DLGAP1: variants seen among roughly 807,000 people sequenced by gnomAD.
DLGAP1 encodes DLG associated protein 1.
Under a neutral mutation model 90.8 loss-of-function variants are expected in DLGAP1, and 11 were observed. That is an observed-to-expected ratio of 0.12 (90% CI 0.08 to 0.20). The LOEUF is 0.20. Ranked by LOEUF, DLGAP1 falls within the 10% of genes least tolerant of loss-of-function variation. DLGAP1 has a pLI of 1.00. For synonymous variants in DLGAP1, 558 were observed against 540.7 expected (o/e 1.03, Z -0.44); for missense variants, 1,050 against 1,333.8 (o/e 0.79, Z 3.31).
At chr18:3,681,249 G>T (rs918986462) in intron 7 of DLGAP1, among the ~76,000 whole-genome samples, 2 of 152,116 alleles carry the variant, frequency 1.3e-5, no homozygotes, top group African/African-American at 4.8e-5. Context: ...TAGAGTCAGA[G>T]ATAATGTCTA....
At chr18:4,317,605 T>C (rs1176975440) in intron 1 of DLGAP1, among the ~76,000 whole-genome samples, 1 of 152,186 alleles carries the variant, frequency 6.6e-6, no homozygotes, top group East Asian at 1.9e-4. Flanking sequence ...TTTCACTGAA[T>C]TCAGATATTA....
At chr18:3,857,684 G>T (rs1469361711) in intron 4 of DLGAP1, among the ~76,000 whole-genome samples, 1 of 152,084 alleles carries the variant, frequency 6.6e-6, no homozygotes. Flanking sequence ...CTTTTCCTAT[G>T]ATTCCTGCTG....
At chr18:3,735,292 T>TA (rs1183581522) in intron 6 of DLGAP1, among the ~76,000 whole-genome samples, 3 of 152,212 alleles carry the variant, frequency 2.0e-5, no homozygotes, top group Non-Finnish European at 4.4e-5. Flanking sequence ...CGATCTTGGC[T>TA]CACTGCAACC....
chr18:4,447,471 G>C (rs2083696346), intron 1 of DLGAP1, among the ~76,000 whole-genome samples: 1 of 152,042 alleles, frequency 6.6e-6, no homozygotes, highest in Non-Finnish European at 1.5e-5. Flanking sequence ...AAAGAATAAG[G>C]AAATGCATGC....
At chr18:4,134,883 TAGAG>T (rs2076375423) in intron 2 of DLGAP1, among the ~76,000 whole-genome samples, 1 of 151,832 alleles carries the variant, frequency 6.6e-6, no homozygotes. Context: ...AATGCCTTCC[TAGAG>T]AGGAAAAGCA....
At chr18:3,585,084 A>G (rs1953626731) in intron 7 of DLGAP1, among the ~76,000 whole-genome samples, 1 of 152,152 alleles carries the variant, frequency 6.6e-6, no homozygotes, top group African/African-American at 2.4e-5. Flanking sequence ...ATGCAGCTCA[A>G]CAATAAGTGT....
chr18:4,448,997 A>AT (rs1567932991), intron 1 of DLGAP1, among the ~76,000 whole-genome samples: 2 of 152,120 alleles, frequency 1.3e-5, no homozygotes, highest in Non-Finnish European at 2.9e-5. Context: ...TACAAACCAC[A>AT]TAGGGGCCAC....
At chr18:4,136,237 T>C (rs867263928) in intron 2 of DLGAP1, among the ~76,000 whole-genome samples, 1 of 152,104 alleles carries the variant, frequency 6.6e-6, no homozygotes, top group Admixed American at 6.6e-5. Context: ...ATATACTGAT[T>C]TATTTTCTTT....
At chr18:3,684,616 T>A (rs1050741486) in intron 7 of DLGAP1, among the ~76,000 whole-genome samples, 1 of 152,172 alleles carries the variant, frequency 6.6e-6, no homozygotes, top group Non-Finnish European at 1.5e-5. Flanking sequence ...TCCAATGCTA[T>A]AGGAACTAAT....
At chr18:4,010,503 G>A (rs921155759) in intron 2 of DLGAP1, among the ~76,000 whole-genome samples, 7 of 152,112 alleles carry the variant, frequency 4.6e-5, no homozygotes, top group African/African-American at 1.2e-4. Flanking sequence ...AGCCATGATC[G>A]CGTCACTGCG....
intron 5 of DLGAP1, among the ~76,000 whole-genome samples, chr18:3,765,256 G>A (rs986123045): frequency 1.7e-4 from 26 of 148,766 alleles, no homozygotes; most frequent in Non-Finnish European, 3.6e-4. Flanking sequence ...TCAGCCTCCC[G>A]AGTAGCTGGA....
chr18:4,240,272 C>T (rs670268), intron 1 of DLGAP1, among the ~76,000 whole-genome samples: 120,512 of 152,062 alleles, frequency 0.79, 48,364 homozygotes, highest in African/African-American at 0.91. Flanking sequence ...CTTGATAATG[C>T]ATCTTATTAC....
At position 3,534,698 on chromosome 18, in the gene DLGAP1, T is replaced by C. The variant is rs1265441006; in HGVS notation, c.2058-83A>G. The C allele has an allele frequency of 1.1e-4, 129 of 1,210,442 alleles. No individual in the cohort carries two copies. The African/African-American group carries it at 1.3e-3, about 12-fold the overall frequency. The allele number at this position is 1,210,442 out of a possible 1,614,324, so 75.0% of individuals were successfully genotyped here. The stretch of plus-strand genomic sequence containing the variant: ...CCTTCCTTCCTTCCTTTCTTTCTTT[T>C]TTTTTTTTTTTTGACAGAGTCTCAC... On this transcript the variant is annotated intron_variant, in intron 9 of 12. Coordinates refer to ENST00000315677, the MANE Select transcript of DLGAP1 (RefSeq NM_004746.4).
intron 7 of DLGAP1, among the ~76,000 whole-genome samples, chr18:3,664,990 T>G (rs1444955246): frequency 2.6e-5 from 4 of 152,210 alleles, no homozygotes; most frequent in Non-Finnish European, 5.9e-5. Context: ...GGTCCTACTA[T>G]GCTATTGTCT....
At chr18:4,284,669 A>G (rs941675043) in intron 1 of DLGAP1, among the ~76,000 whole-genome samples, 1 of 152,182 alleles carries the variant, frequency 6.6e-6, no homozygotes, top group Non-Finnish European at 1.5e-5. Flanking sequence ...GGCTTTCACT[A>G]TGTTACAACT....
intron 1 of DLGAP1, among the ~76,000 whole-genome samples, chr18:4,333,078 T>C (rs764141472): frequency 6.6e-6 from 1 of 151,966 alleles, no homozygotes. Flanking sequence ...AGTTAACCAT[T>C]GATGTTTAAT....
intron 1 of DLGAP1, among the ~76,000 whole-genome samples, chr18:4,357,726 T>C (rs2081552198): frequency 6.6e-6 from 1 of 152,234 alleles, no homozygotes; most frequent in Non-Finnish European, 1.5e-5. Context: ...GTCTCACTGC[T>C]GCAAGGTCAG....
chr18:4,404,798 A>G (rs532163447), intron 1 of DLGAP1, among the ~76,000 whole-genome samples: 1 of 152,350 alleles, frequency 6.6e-6, no homozygotes, highest in East Asian at 1.9e-4. Context: ...CTCTGGCAGG[A>G]CAGTAAAATA....
rs192670153 is a variant in DLGAP1, at chr18:4,282,165, T to C, written c.-266-130878A>G. ...GGATCACGAGGTCAGGAGATCGAGATCATCCTGGCTAACACGGTGAAACTC... is the reference window on the plus strand; with the variant it reads ...GGATCACGAGGTCAGGAGATCGAGACCATCCTGGCTAACACGGTGAAACTC... On this transcript the variant is annotated intron_variant, in intron 1 of 12. Transcript: ENST00000315677. Among the ~76,000 whole-genome samples the C allele has an allele frequency of 8.3e-3, 1,257 of 151,960 alleles. 9 individuals carry two copies. The highest frequency in any genetic ancestry group is 0.012 in the Non-Finnish European group (782 of 67,924).
Sources: allele counts gnomAD v4.1 joint callset (sites outside exome capture counted in the v4.1 genomes callset), GRCh38; gene constraint gnomAD v4.1.1; transcripts MANE v1.5; gene names NCBI Gene and HGNC (gene_info 2026-07-23, HGNC 2026-07-21).